The following CLVS1 variants were observed in gnomAD, a reference collection of about 807,000 sequenced individuals.
CLVS1 encodes clavesin 1.
CLVS1 carries 10 observed loss-of-function variants against 33.1 expected under a neutral mutation model. The observed-to-expected ratio is 0.30, with a 90% CI of 0.19 to 0.51. The LOEUF (loss-of-function observed/expected upper bound fraction) is 0.51, where lower values mean the gene tolerates loss of function less well. CLVS1 is among the 20% of genes least tolerant of loss of function. The pLI, the probability that CLVS1 is intolerant of heterozygous loss-of-function variation, is 0.97. For missense variants in CLVS1, 343 were observed against 433.4 expected, an observed-to-expected ratio of 0.79 and a Z score of 1.85; for synonymous variants, 163 against 166.1, an observed-to-expected ratio of 0.98 and a Z score of 0.14.
intron 2 of CLVS1, among the ~76,000 whole-genome samples, chr8:61,236,109 A>G (rs1343005486): frequency 3.3e-5 from 5 of 152,132 alleles, no homozygotes; most frequent in Admixed American, 6.5e-5. Context: ...TGTGCCATAG[A>G]TTCTGAGGCG....
intron 2 of CLVS1, among the ~76,000 whole-genome samples, chr8:61,158,024 A>G (rs1806682833): frequency 1.3e-5 from 2 of 152,240 alleles, no homozygotes; most frequent in African/African-American, 4.8e-5. Context: ...AGGATGTTAT[A>G]GCAGCCTTAT....
At chr8:61,148,581 C>A (rs1045111402) in intron 2 of CLVS1, among the ~76,000 whole-genome samples, 4 of 152,138 alleles carry the variant, frequency 2.6e-5, no homozygotes, top group African/African-American at 9.7e-5. Flanking sequence ...GGAGAGCTAA[C>A]AAGATACAGG....
chr8:61,164,251 T>C (rs969351627), intron 2 of CLVS1, among the ~76,000 whole-genome samples: 1 of 152,206 alleles, frequency 6.6e-6, no homozygotes, highest in African/African-American at 2.4e-5. Flanking sequence ...GAAATCCAGC[T>C]AGTCCTGTCT....
At chr8:61,028,253 G>A in the CLVS1 span, among the ~76,000 whole-genome samples, 4 of 152,138 alleles carry the variant, frequency 2.6e-5, no homozygotes, top group Admixed American at 6.5e-5. Context: ...ATCTTGCACC[G>A]TTCATAAATA....
At chr8:61,126,728 G>A (rs1250385035) in intron 1 of CLVS1, among the ~76,000 whole-genome samples, 1 of 152,176 alleles carries the variant, frequency 6.6e-6, no homozygotes, top group African/African-American at 2.4e-5. Context: ...TTCAAACAGT[G>A]TTGTCATGTT....
chr8:60,992,688 A>G, the CLVS1 span, among the ~76,000 whole-genome samples: 1 of 152,212 alleles, frequency 6.6e-6, no homozygotes, highest in Non-Finnish European at 1.5e-5. Flanking sequence ...GGAGGTATCT[A>G]CAAGCATTTT....
intron 3 of CLVS1, among the ~76,000 whole-genome samples, chr8:61,419,529 C>T (rs1050691222): frequency 1.3e-5 from 2 of 151,898 alleles, no homozygotes; most frequent in Non-Finnish European, 2.9e-5. Context: ...AAATTGCTGA[C>T]ATGCTGAAGG....
At chr8:61,024,332 C>T in the CLVS1 span, among the ~76,000 whole-genome samples, 4 of 152,156 alleles carry the variant, frequency 2.6e-5, no homozygotes, top group Non-Finnish European at 4.4e-5. Flanking sequence ...AACCATCAGA[C>T]AATGGCAGTG....
intron 2 of CLVS1, among the ~76,000 whole-genome samples, chr8:61,355,758 G>T (rs1283763950): frequency 1.3e-5 from 2 of 152,024 alleles, no homozygotes; most frequent in African/African-American, 2.4e-5. Context: ...ATTTTTTATG[G>T]CTGCATAGTA....
chr8:61,163,098 A>T (rs1806783234), intron 2 of CLVS1, among the ~76,000 whole-genome samples: 1 of 152,086 alleles, frequency 6.6e-6, no homozygotes, highest in Non-Finnish European at 1.5e-5. Flanking sequence ...CCCTGCCTGG[A>T]CTCATAGGTT....
At chr8:61,187,867 TATTA>T in intron 2 of CLVS1, among the ~76,000 whole-genome samples, 1 of 149,806 alleles carries the variant, frequency 6.7e-6, no homozygotes, top group South Asian at 2.1e-4. Context: ...AATATTTATT[TATTA>T]ATATTTATTC....
chr8:61,226,941 A>C (rs1312340100), intron 2 of CLVS1, among the ~76,000 whole-genome samples: 1 of 151,946 alleles, frequency 6.6e-6, no homozygotes, highest in Non-Finnish European at 1.5e-5. Flanking sequence ...CCAGGGTTTC[A>C]GAATTATATG....
chr8:60,985,450 C>T, the CLVS1 span, among the ~76,000 whole-genome samples: 4 of 152,146 alleles, frequency 2.6e-5, no homozygotes, highest in Non-Finnish European at 5.9e-5. Flanking sequence ...CTCTTTTTCC[C>T]TCCAAATGGA....
At chr8:60,985,901 AAGGGCAATCACC>A in the CLVS1 span, among the ~76,000 whole-genome samples, 1 of 152,132 alleles carries the variant, frequency 6.6e-6, no homozygotes, top group South Asian at 2.1e-4. Context: ...GGCATACAAT[AAGGGCAATCACC>A]AGGGCCTGTA....
chr8:61,260,610 G>A (rs1420117076), intron 2 of CLVS1, among the ~76,000 whole-genome samples: 2 of 152,142 alleles, frequency 1.3e-5, no homozygotes, highest in Non-Finnish European at 2.9e-5. Context: ...GTGGGCATCT[G>A]GGAGGGGCAT....
the CLVS1 span, among the ~76,000 whole-genome samples, chr8:61,003,922 G>A: frequency 4.5e-4 from 68 of 152,290 alleles, no homozygotes; most frequent in Non-Finnish European, 9.1e-4. Flanking sequence ...GACAAGGTAA[G>A]GGGTCAGGAG....
chr8:61,078,590 T>C (rs1177025772), intron 1 of CLVS1, among the ~76,000 whole-genome samples: 1 of 152,214 alleles, frequency 6.6e-6, no homozygotes, highest in East Asian at 1.9e-4. Context: ...TCTAATTCAT[T>C]CTGAAACGGA....
chr8:61,454,267 G>T lies in CLVS1; in HGVS notation c.741+16G>T, dbSNP rs764020419. On this transcript the variant is annotated intron_variant, in intron 4 of 5. Coordinates refer to ENST00000325897, the MANE Select transcript of CLVS1 (RefSeq NM_173519.3). ...CAGGAAACGGGTAATGAAAACAAAT[G>T]CATCATGTAAATTCCTGGTACAATT... 23 of 1,557,280 alleles carry T rather than the reference G, an allele frequency of 1.5e-5. No homozygotes were observed. Among genetic ancestry groups the T allele is most frequent in the Middle Eastern group, 3.3e-4 (2 of 5,992 alleles).
At chr8:61,103,345 A>G (rs1404970173) in intron 1 of CLVS1, among the ~76,000 whole-genome samples, 1 of 152,204 alleles carries the variant, frequency 6.6e-6, no homozygotes, top group East Asian at 1.9e-4. Flanking sequence ...AGTAGGCATG[A>G]AGATTATTGA....
Sources: gnomAD v4.1 joint callset for allele counts (sites outside exome capture counted in the v4.1 genomes callset) on GRCh38, gnomAD v4.1.1 for gene constraint, MANE v1.5 for transcripts, NCBI Gene and HGNC (gene_info 2026-07-23, HGNC 2026-07-21) for gene names.